Variants in WNT9B observed in about 807,000 individuals in gnomAD.
WNT9B encodes protein Wnt-9b.
In WNT9B, 12 loss-of-function variants were observed where a neutral mutation model predicts 30.2. The observed-to-expected ratio is 0.40, with a 90% CI of 0.26 to 0.64. WNT9B has a LOEUF of 0.64. WNT9B is among the 30% of genes least tolerant of loss of function. The pLI, the probability that WNT9B is intolerant of heterozygous loss-of-function variation, is 0.42. For missense variants in WNT9B, 442 were observed against 485.2 expected, an observed-to-expected ratio of 0.91 and a Z score of 0.84; for synonymous variants, 218 against 216.9, an observed-to-expected ratio of 1.01 and a Z score of -0.05.
At chr17:46,837,863 C>T (rs530684111) in intron 1 of WNT9B, among the ~76,000 whole-genome samples, 1 of 152,262 alleles carries the variant, frequency 6.6e-6, no homozygotes, top group East Asian at 1.9e-4. Flanking sequence ...GTGCACATCA[C>T]GGCCATATTT....
At chr17:46,885,257 C>A (rs565092245), downstream of WNT9B, 209 of 295,356 alleles carry the variant, frequency 7.1e-4, 3 homozygotes, top group Middle Eastern at 0.011. Flanking sequence ...CCACCCGCCT[C>A]GGCCTCCCAA....
chr17:46,861,762 A>G (rs2085041456), intron 1 of WNT9B, among the ~76,000 whole-genome samples: 1 of 152,220 alleles, frequency 6.6e-6, no homozygotes, highest in Non-Finnish European at 1.5e-5. Flanking sequence ...TCAGTCCTGG[A>G]AACTTCCAAG....
chr17:46,833,250 G>T (rs919261982), exon 1 of WNT9B: 7 of 442,248 alleles, frequency 1.6e-5, no homozygotes, highest in African/African-American at 1.0e-4. Flanking sequence ...GAGCCCTGAC[G>T]CTTCAGCTGA....
At chr17:46,861,712 A>G (rs1295194691) in intron 1 of WNT9B, among the ~76,000 whole-genome samples, 2 of 152,348 alleles carry the variant, frequency 1.3e-5, no homozygotes, top group African/African-American at 4.8e-5. Flanking sequence ...GAGGAGGGTG[A>G]AGAGTCTTAG....
rs538154330 is a variant in WNT9B, at chr17:46,852,001, G to T, written c.77+286G>T. Among the ~76,000 whole-genome samples, 29 of 152,210 alleles carry T rather than the reference G, an allele frequency of 1.9e-4. No homozygotes were observed. The South Asian group carries it at 2.1e-3, about 11-fold the overall frequency. ...CCGCCGGGTCTCGGACTCTGCGCAC[G>T]CCTCGGACCCTGGCCCCGTCCGCCC... is the stretch of plus-strand genomic sequence containing the variant. On this transcript the variant is annotated intron_variant, in intron 1 of 3. Transcript: ENST00000290015.
At chr17:46,859,246 C>G (rs9903566) in intron 1 of WNT9B, among the ~76,000 whole-genome samples, 3,743 of 152,198 alleles carry the variant, frequency 0.025, 156 homozygotes, top group African/African-American at 0.086. Flanking sequence ...AAAGTGCTGG[C>G]ATTACAGGCG....
intron 1 of WNT9B, among the ~76,000 whole-genome samples, chr17:46,841,954 C>A (rs1435615387): frequency 6.6e-6 from 1 of 152,224 alleles, no homozygotes; most frequent in East Asian, 1.9e-4. Context: ...CGTCCTCCAG[C>A]GTCCGCGGCC....
At chr17:46,839,957 T>TTTCTTTCTTTCTTTCTC (rs1568113691) in intron 1 of WNT9B, among the ~76,000 whole-genome samples, 107 of 142,384 alleles carry the variant, frequency 7.5e-4, no homozygotes, top group African/African-American at 2.6e-3. Context: ...TCTTTCTTTC[T>TTTCTTTCTTTCTTTCTC]TTCTTTCTTT....
chr17:46,867,995 G>A (rs2085168792), intron 1 of WNT9B, among the ~76,000 whole-genome samples: 1 of 152,122 alleles, frequency 6.6e-6, no homozygotes, highest in East Asian at 1.9e-4. Context: ...AAGGGGAGGA[G>A]GCGGCCGCTG....
chr17:46,853,255 T>G (rs1315548203), intron 1 of WNT9B, among the ~76,000 whole-genome samples: 1 of 151,850 alleles, frequency 6.6e-6, no homozygotes, highest in Non-Finnish European at 1.5e-5. Flanking sequence ...TCTCTCAATC[T>G]GTAAAATGAA....
intron 1 of WNT9B, among the ~76,000 whole-genome samples, chr17:46,834,247 G>T (rs997213431): frequency 6.6e-6 from 1 of 152,192 alleles, no homozygotes; most frequent in Admixed American, 6.5e-5. Context: ...ATCTCCATGA[G>T]GTGGTAACCA....
chr17:46,878,801 C>T lies in WNT9B; in HGVS notation c.*2083C>T, dbSNP rs2085384547. On this transcript the variant is annotated 3_prime_UTR_variant, in exon 4 of 4. Coordinates refer to ENST00000290015, the MANE Select transcript of WNT9B (RefSeq NM_003396.3). ...ACTTCATGGCTGGCAGTGCCAGGGT[C>T]GTGGGAGGGCAAAGGGCAGGCTCTA... 1.3e-5 allele frequency among the ~76,000 whole-genome samples: 2 copies of T among 152,298 alleles called. No homozygotes were observed. The highest frequency in any genetic ancestry group is 2.1e-4 in the South Asian group (1 of 4,824).
chr17:46,844,348 T>C (rs2084749856), intron 1 of WNT9B, among the ~76,000 whole-genome samples: 1 of 148,138 alleles, frequency 6.8e-6, no homozygotes, highest in Non-Finnish European at 1.5e-5. Context: ...CTCAGCTTAC[T>C]GCTTCCCAGA....
chr17:46,858,846 T>C (rs557066004), intron 1 of WNT9B, among the ~76,000 whole-genome samples: 37 of 152,120 alleles, frequency 2.4e-4, no homozygotes, highest in Non-Finnish European at 4.7e-4. Flanking sequence ...TTTTATTTTT[T>C]TGTAGAGATG....
At chr17:46,883,743 G>C (rs995075725), downstream of WNT9B, among the ~76,000 whole-genome samples, 4 of 152,212 alleles carry the variant, frequency 2.6e-5, no homozygotes, top group South Asian at 2.1e-4. Context: ...TGAGGGAGTT[G>C]CAAGGATTCA....
chr17:46,851,817 C>T lies in WNT9B; in HGVS notation c.77+102C>T, dbSNP rs2084852097. On this transcript the variant is annotated intron_variant, in intron 1 of 3. Coordinates refer to ENST00000290015, the MANE Select transcript of WNT9B (RefSeq NM_003396.3). The surrounding 1 kb of genome is among the most constrained non-coding windows in gnomAD (Gnocchi z 4.3). ...TTCCCTCCCGCTGTCCTTGGCCCCG[C>T]CGAGGTCTCGAACTCAGACCCTAGC... is the stretch of plus-strand genomic sequence containing the variant. The T allele has an allele frequency of 3.4e-6, 2 of 583,778 alleles. No homozygotes were observed. Among genetic ancestry groups the T allele is most frequent in the Non-Finnish European group, 5.0e-6 (2 of 397,490 alleles). The allele number at this position is 583,778 out of a possible 1,614,324, so 36.2% of individuals were successfully genotyped here.
At chr17:46,849,849 C>CTTTTTTTTTTTTTT (rs761797393), upstream of WNT9B, among the ~76,000 whole-genome samples, 1 of 145,750 alleles carries the variant, frequency 6.9e-6, no homozygotes. Flanking sequence ...CATTTAATAT[C>CTTTTTTTTTTTTTT]TTTTTTTTTT....
chr17:46,844,530 G>C (rs1238729187), intron 1 of WNT9B, among the ~76,000 whole-genome samples: 1 of 152,026 alleles, frequency 6.6e-6, no homozygotes, highest in Non-Finnish European at 1.5e-5. Flanking sequence ...CTGATAATAT[G>C]ACCTGGAGGA....
chr17:46,835,994 A>G (rs1283053580), intron 1 of WNT9B, among the ~76,000 whole-genome samples: 1 of 151,950 alleles, frequency 6.6e-6, no homozygotes, highest in Non-Finnish European at 1.5e-5. Context: ...TGGACCTTAA[A>G]GTTATTGTGC....
Sources: gnomAD v4.1 joint callset for allele counts (sites outside exome capture counted in the v4.1 genomes callset) on GRCh38, gnomAD v4.1.1 for gene constraint, Gnocchi (gnomAD v3.1) non-coding constraint, MANE v1.5 for transcripts, NCBI Gene and HGNC (gene_info 2026-07-23, HGNC 2026-07-21) for gene names.